LRRFIP1: variants seen among roughly 807,000 people sequenced by gnomAD.
LRRFIP1 encodes LRR binding FLII interacting protein 1.
A neutral mutation model predicts 104.4 loss-of-function variants in LRRFIP1; 62 were observed. That is an observed-to-expected ratio of 0.59 (90% CI 0.48 to 0.73). The LOEUF (loss-of-function observed/expected upper bound fraction) is 0.73, where lower values mean the gene tolerates loss of function less well. Ranked by LOEUF, LRRFIP1 falls within the 30% of genes least tolerant of loss-of-function variation. The probability of loss-of-function intolerance (pLI) is 0.00; values close to 1 mark genes in which losing one functional copy is unlikely to be tolerated. For missense variants in LRRFIP1, 796 were observed against 824.5 expected (o/e 0.97, Z 0.42); for synonymous variants, 300 against 299.0 (o/e 1.00, Z -0.03).
chr2:237,705,713 G>A (rs745359911), intron 1 of LRRFIP1, among the ~76,000 whole-genome samples: 1 of 152,000 alleles, frequency 6.6e-6, no homozygotes, highest in South Asian at 2.1e-4. Flanking sequence ...CCTGTGCTCA[G>A]GTCTCACAAG....
chr2:237,755,461 C>G (rs2059153922), intron 15 of LRRFIP1, among the ~76,000 whole-genome samples: 1 of 152,238 alleles, frequency 6.6e-6, no homozygotes, highest in Non-Finnish European at 1.5e-5. Context: ...CACCCAGGCT[C>G]TCAGCACAGT....
intron 1 of LRRFIP1, among the ~76,000 whole-genome samples, chr2:237,674,911 T>C (rs1319012694): frequency 6.6e-6 from 1 of 152,204 alleles, no homozygotes; most frequent in Non-Finnish European, 1.5e-5. Flanking sequence ...CTGCAAACCC[T>C]CCCTTCCTTG....
At chr2:237,759,350 G>A (rs1445405872) in intron 18 of LRRFIP1, among the ~76,000 whole-genome samples, 1 of 152,126 alleles carries the variant, frequency 6.6e-6, no homozygotes. Flanking sequence ...ACTCTGGGTG[G>A]GGGGGTTCCT....
chr2:237,755,945 TAAATAAA>T (rs1359668830), intron 15 of LRRFIP1, 143 bp from the exon 16 acceptor site: 2 of 466,736 alleles, frequency 4.3e-6, no homozygotes, highest in African/African-American at 4.1e-5. Flanking sequence ...AAAAAATATA[TAAATAAA>T]AAATAAAATA....
rs1043113480 is a variant in LRRFIP1, at chr2:237,705,627, G to A, written c.97-2917G>A. Among the ~76,000 whole-genome samples, 6 of 151,536 alleles carry A rather than the reference G, an allele frequency of 4.0e-5. No individual in the cohort carries two copies. In the South Asian group the frequency reaches 6.2e-4, roughly 16 times the overall value. ...TACAATGAGCTGTGATCACGCCACT[G>A]CACTCCAGCCTGGGCGACAGAGGGA... On this transcript the variant is annotated intron_variant, in intron 1 of 23. Transcript: ENST00000308482.
chr2:237,740,425 A>G (rs2095380969), intron 11 of LRRFIP1, among the ~76,000 whole-genome samples: 1 of 152,056 alleles, frequency 6.6e-6, no homozygotes, highest in Admixed American at 6.6e-5. Context: ...AGAAAACAAA[A>G]ACAAAAACAA....
chr2:237,747,838 G>A (rs2058076060), intron 11 of LRRFIP1, among the ~76,000 whole-genome samples: 1 of 151,852 alleles, frequency 6.6e-6, no homozygotes, highest in African/African-American at 2.4e-5. Flanking sequence ...AACCTTCAAT[G>A]TGCCAAAAAA....
At position 237,727,896 on chromosome 2, in the gene LRRFIP1, A is replaced by G; in HGVS notation, c.405A>G (p.Glu135=). Residue 135 remains glutamate (E), a synonymous_variant, in exon 8 of 24, where the codon GAA becomes GAG. Transcript: ENST00000308482. ...PYAWTNGYDG[E]LYGSQSLNRR... ...AACAGACAAATGGTTATGATGGAGAATTGTATGGATCACAGTCCCTGAATA... is the reference window on the plus strand; with the variant it reads ...AACAGACAAATGGTTATGATGGAGAGTTGTATGGATCACAGTCCCTGAATA... The G allele has an allele frequency of 2.5e-6, 4 of 1,612,126 alleles. No homozygotes were observed. The highest frequency in any genetic ancestry group is 3.4e-6 in the Non-Finnish European group (4 of 1,179,054).
chr2:237,702,977 T>A (rs1402177466), intron 1 of LRRFIP1, among the ~76,000 whole-genome samples: 1 of 152,158 alleles, frequency 6.6e-6, no homozygotes, highest in Non-Finnish European at 1.5e-5. Context: ...CAGCAAAGAT[T>A]GTATGGGCAG....
intron 10 of LRRFIP1, among the ~76,000 whole-genome samples, chr2:237,736,289 T>A (rs1266997240): frequency 6.6e-6 from 1 of 152,230 alleles, no homozygotes; most frequent in African/African-American, 2.4e-5. Context: ...TTATCAACTT[T>A]TATATTACAT....
At chr2:237,722,332 A>T (rs549465895) in intron 6 of LRRFIP1, among the ~76,000 whole-genome samples, 20 of 152,258 alleles carry the variant, frequency 1.3e-4, no homozygotes, top group Middle Eastern at 3.4e-3. Context: ...CAGATGTAAG[A>T]TGTGTGCACT....
At chr2:237,686,031 C>A (rs1349296092) in intron 1 of LRRFIP1, among the ~76,000 whole-genome samples, 2 of 152,210 alleles carry the variant, frequency 1.3e-5, no homozygotes, top group Non-Finnish European at 2.9e-5. Flanking sequence ...TCTCTAACTA[C>A]CCCTTCTCTG....
intron 1 of LRRFIP1, among the ~76,000 whole-genome samples, chr2:237,694,415 A>T (rs1031846766): frequency 1.3e-5 from 2 of 151,920 alleles, no homozygotes; most frequent in African/African-American, 2.4e-5. Flanking sequence ...TTAAGAGGCT[A>T]ATGTTCAGGT....
chr2:237,722,361 G>C (rs2094565454), intron 6 of LRRFIP1, among the ~76,000 whole-genome samples: 1 of 152,168 alleles, frequency 6.6e-6, no homozygotes, highest in Non-Finnish European at 1.5e-5. Flanking sequence ...CCTGGGAAAA[G>C]AATGTTCAGT....
At chr2:237,769,795 C>A in intron 19 of LRRFIP1, 148 bp from the exon 20 acceptor site, 1 of 670,114 alleles carries the variant, frequency 1.5e-6, no homozygotes, top group Non-Finnish European at 2.7e-6. Context: ...TCACCCCGTC[C>A]TGTCTGTGGC....
chr2:237,731,063 G>C (rs956300167), intron 8 of LRRFIP1, among the ~76,000 whole-genome samples: 2 of 152,232 alleles, frequency 1.3e-5, no homozygotes, highest in Non-Finnish European at 2.9e-5. Context: ...GAACCCAGGA[G>C]AGGTGCCATG....
intron 2 of LRRFIP1, among the ~76,000 whole-genome samples, chr2:237,713,277 G>A (rs1046032128): frequency 4.6e-5 from 7 of 152,278 alleles, no homozygotes; most frequent in South Asian, 2.1e-4. Context: ...GCACACAGAC[G>A]GCGAGAACCC....
chr2:237,635,952 C>T (rs1030050995), intron 1 of LRRFIP1, among the ~76,000 whole-genome samples: 1 of 151,984 alleles, frequency 6.6e-6, no homozygotes, highest in Non-Finnish European at 1.5e-5. Flanking sequence ...CAAAAATTAG[C>T]CAAGCATGAT....
At chr2:237,634,839 T>C (rs1351749036) in intron 1 of LRRFIP1, among the ~76,000 whole-genome samples, 1 of 152,240 alleles carries the variant, frequency 6.6e-6, no homozygotes, top group Non-Finnish European at 1.5e-5. Context: ...AAGTTTTCAA[T>C]AGAACCCATC....
Sources: gnomAD v4.1 joint callset for allele counts (sites outside exome capture counted in the v4.1 genomes callset) on GRCh38, gnomAD v4.1.1 for gene constraint, MANE v1.5 for transcripts, NCBI Gene and HGNC (gene_info 2026-07-23, HGNC 2026-07-21) for gene names.